The following MGAT4C variants were observed in gnomAD, a reference collection of about 807,000 sequenced individuals.
MGAT4C encodes alpha-1,3-mannosyl-glycoprotein 4-beta-N-acetylglucosaminyltransferase C.
Under a neutral mutation model 40.1 loss-of-function variants are expected in MGAT4C, and 19 were observed. That is an observed-to-expected ratio of 0.47 (90% CI 0.33 to 0.70). MGAT4C has a LOEUF of 0.70. Ranked by LOEUF, MGAT4C falls within the 30% of genes least tolerant of loss-of-function variation. The pLI, the probability that MGAT4C is intolerant of heterozygous loss-of-function variation, is 0.02. For synonymous variants in MGAT4C, 181 were observed against 187.1 expected, an observed-to-expected ratio of 0.97 and a Z score of 0.27; for missense variants, 491 against 563.2, an observed-to-expected ratio of 0.87 and a Z score of 1.30.
chr12:86,539,493 T>C (rs1018161807), intron 2 of MGAT4C, among the ~76,000 whole-genome samples: 1 of 152,216 alleles, frequency 6.6e-6, no homozygotes, highest in African/African-American at 2.4e-5. Flanking sequence ...TACGTGTGCA[T>C]GTGTCTTTAT....
At chr12:86,344,864 A>T (rs1409872949) in intron 3 of MGAT4C, among the ~76,000 whole-genome samples, 1 of 152,000 alleles carries the variant, frequency 6.6e-6, no homozygotes, top group Non-Finnish European at 1.5e-5. Context: ...ACATATTGAC[A>T]TATTTAATCC....
chr12:86,054,676 C>A (rs1201293978), intron 1 of MGAT4C, among the ~76,000 whole-genome samples: 1 of 151,482 alleles, frequency 6.6e-6, no homozygotes, highest in Non-Finnish European at 1.5e-5. Flanking sequence ...TAAATATATC[C>A]ATCATTTATT....
chr12:86,328,685 A>G (rs1954583027), intron 4 of MGAT4C, among the ~76,000 whole-genome samples: 1 of 152,172 alleles, frequency 6.6e-6, no homozygotes, highest in South Asian at 2.1e-4. Flanking sequence ...AAAGACAAAT[A>G]TCATCTTCAC....
At chr12:86,445,161 C>T (rs1486563962) in intron 2 of MGAT4C, among the ~76,000 whole-genome samples, 1 of 152,084 alleles carries the variant, frequency 6.6e-6, no homozygotes, top group Non-Finnish European at 1.5e-5. Context: ...AAATCTCACA[C>T]TTTAAATATG....
chr12:86,273,686 G>A (rs1197984619), intron 4 of MGAT4C, among the ~76,000 whole-genome samples: 2 of 151,954 alleles, frequency 1.3e-5, no homozygotes, highest in Non-Finnish European at 2.9e-5. Flanking sequence ...ATAAAATGAG[G>A]GTCTTGTAGT....
chr12:85,956,142 T>C lies in MGAT4C; in HGVS notation c.*23147A>G, dbSNP rs1387794535. On this transcript the variant is annotated 3_prime_UTR_variant, in exon 5 of 5. Coordinates refer to ENST00000611864, the MANE Select transcript of MGAT4C (RefSeq NM_001351288.2). ...TTGTATGGTAGCTAGTTTAATTGGA[T>C]TTGTTTTTCAAATTTGGACATAACC... 1 of 152,224 alleles carries C rather than the reference T, an allele frequency of 6.6e-6. No individual in the cohort carries two copies. The highest frequency in any genetic ancestry group is 1.5e-5 in the Non-Finnish European group (1 of 68,026). 9.4% of individuals were successfully genotyped at this position (152,224 alleles called of 1,614,324 possible).
At chr12:86,362,728 ATGG>A (rs1325418002) in intron 3 of MGAT4C, among the ~76,000 whole-genome samples, 1 of 151,816 alleles carries the variant, frequency 6.6e-6, no homozygotes, top group Non-Finnish European at 1.5e-5. Context: ...TTAGCCGGGC[ATGG>A]TGGTGGGCAC....
At chr12:86,257,461 G>C (rs571827258), upstream of MGAT4C, among the ~76,000 whole-genome samples, 9 of 152,334 alleles carry the variant, frequency 5.9e-5, no homozygotes, top group South Asian at 1.9e-3. Flanking sequence ...AAGCTGTGCA[G>C]CTCAGCATGC....
intron 1 of MGAT4C, among the ~76,000 whole-genome samples, chr12:86,064,148 A>T (rs146082399): frequency 3.3e-5 from 5 of 152,306 alleles, no homozygotes; most frequent in African/African-American, 1.2e-4. Flanking sequence ...ACATATTTGG[A>T]TGTAAAACAC....
chr12:86,043,686 T>C (rs572535556), intron 2 of MGAT4C, among the ~76,000 whole-genome samples: 53 of 152,368 alleles, frequency 3.5e-4, no homozygotes, highest in Admixed American at 1.8e-3. Context: ...TGACACTCGA[T>C]ATTAACCATC....
intron 2 of MGAT4C, among the ~76,000 whole-genome samples, chr12:86,573,865 T>C (rs746064663): frequency 5.3e-5 from 8 of 151,972 alleles, no homozygotes; most frequent in Non-Finnish European, 8.8e-5. Flanking sequence ...TGCATATTCT[T>C]CTAAAGTTAA....
chr12:85,983,717 T>A lies in MGAT4C; in HGVS notation c.148-47A>T, dbSNP rs1343053642. On this transcript the variant is annotated intron_variant, in intron 3 of 4. Transcript: ENST00000611864. The stretch of plus-strand genomic sequence containing the variant: ...AGGAAAATATATAAATAATAGATGG[T>A]CATGGATTAAATAAAGTTTCTTTTT... The A allele has an allele frequency of 3.6e-6, 5 of 1,403,166 alleles. No homozygotes were observed. In the Admixed American group the frequency reaches 1.3e-4, roughly 35 times the overall value. 86.9% of individuals were successfully genotyped at this position (1,403,166 alleles called of 1,614,324 possible).
intron 2 of MGAT4C, among the ~76,000 whole-genome samples, chr12:86,518,688 C>T (rs1163817836): frequency 6.6e-6 from 1 of 152,010 alleles, no homozygotes. Context: ...CTAGGCCTTT[C>T]CATATGAAAA....
chr12:86,763,422 T>C (rs1394717037), intron 1 of MGAT4C, among the ~76,000 whole-genome samples: 1 of 152,214 alleles, frequency 6.6e-6, no homozygotes. Context: ...TGGAATACAG[T>C]GCTCATTTGA....
chr12:86,016,352 C>A (rs142605344), intron 2 of MGAT4C: 2,047 of 152,292 alleles, frequency 0.013, 16 homozygotes, highest in Middle Eastern at 0.031. Context: ...GATAGAATGA[C>A]CTTGCCAGGA....
intron 1 of MGAT4C, among the ~76,000 whole-genome samples, chr12:86,188,150 A>G (rs1461173232): frequency 6.6e-6 from 1 of 152,090 alleles, no homozygotes; most frequent in Non-Finnish European, 1.5e-5. Context: ...AAATAGGAGT[A>G]TAAAACAACT....
chr12:86,014,115 A>G (rs563177489), intron 2 of MGAT4C, among the ~76,000 whole-genome samples: 49 of 152,192 alleles, frequency 3.2e-4, no homozygotes, highest in African/African-American at 1.1e-3. Context: ...CTATTCTCTC[A>G]TAATTAGAAA....
Position 86,627,913 on chromosome 12 carries a change from T to C in MGAT4C, c.-229+99296A>G, listed in dbSNP as rs191117416. The stretch of plus-strand genomic sequence containing the variant: ...AATGACTTTGAGGAGTTGACAGAAG[T>C]AGGCTTCAGAAAGTCAGTAATAACA... On this transcript the variant is annotated intron_variant, in intron 2 of 7. Transcript: ENST00000548651. Among the ~76,000 whole-genome samples, 386 of 152,136 alleles carry C rather than the reference T, an allele frequency of 2.5e-3. 3 individuals are homozygous for C. The highest frequency in any genetic ancestry group is 9.1e-3 in the African/African-American group (377 of 41,506).
At chr12:86,414,588 C>T (rs1414763039) in intron 3 of MGAT4C, among the ~76,000 whole-genome samples, 2 of 62,216 alleles carry the variant, frequency 3.2e-5, no homozygotes, top group East Asian at 7.7e-4. Context: ...TTAAAACAAT[C>T]GTTAGTTACT....
Sources: gnomAD v4.1 joint callset for allele counts (sites outside exome capture counted in the v4.1 genomes callset) on GRCh38, gnomAD v4.1.1 for gene constraint, MANE v1.5 for transcripts, NCBI Gene and HGNC (gene_info 2026-07-23, HGNC 2026-07-21) for gene names.